Variants in ARMH1 observed in about 807,000 individuals in gnomAD.
ARMH1 encodes armadillo-like helical domain containing protein 1.
A neutral mutation model predicts 50.2 loss-of-function variants in ARMH1; 34 were observed. The ratio of observed to expected loss-of-function variants is 0.68; its 90% CI spans 0.51 to 0.90. ARMH1 has a LOEUF of 0.90. Ranked by LOEUF, ARMH1 falls within the 40% of genes least tolerant of loss-of-function variation. The pLI is 0.00. For missense variants in ARMH1, 538 were observed against 553.9 expected (o/e 0.97, Z 0.29); for synonymous variants, 221 against 224.2 (o/e 0.99, Z 0.13).
chr1:44,723,905 A>C, intron 6 of ARMH1: 2 of 537,664 alleles, frequency 3.7e-6, no homozygotes, highest in Non-Finnish European at 6.4e-6. Flanking sequence ...CCGCCTCGAC[A>C]GGTGGGCTCA....
At position 44,725,500 on chromosome 1, in the gene ARMH1, G is replaced by T; in HGVS notation, c.*97G>T. On this transcript the variant is annotated 3_prime_UTR_variant, in exon 12 of 12. Transcript: ENST00000535358. ...GTCAAGCTCAGAGCCACTCCACTTG[G>T]CTCCAGGGGGGAGACGGGGATTAGG... The T allele has an allele frequency of 7.2e-6, 9 of 1,247,320 alleles. No individual in the cohort carries two copies. Among genetic ancestry groups the T allele is most frequent in the Non-Finnish European group, 1.0e-5 (9 of 879,620 alleles). 77.3% of individuals were successfully genotyped at this position (1,247,320 alleles called of 1,614,324 possible).
In ARMH1 at chr1:44,682,862, C is replaced by CA. The variant is rs1459293690; in HGVS notation, c.-22-6814_-22-6813insA. ...GGCTGAGGTGGGAGGATCACTCGAGCCCAGGCGATTGAGGCTGCGGTAAGT... is the reference window on the plus strand; with the variant it reads ...GGCTGAGGTGGGAGGATCACTCGAGCACCAGGCGATTGAGGCTGCGGTAAGT... On this transcript the variant is annotated intron_variant, in intron 1 of 11. Transcript: ENST00000535358. The surrounding 1 kb of genome is among the most constrained non-coding windows in gnomAD (Gnocchi z 4.5). Among the ~76,000 whole-genome samples, 15 of 152,154 alleles carry CA rather than the reference C, an allele frequency of 9.9e-5. No homozygotes were observed. The highest frequency in any genetic ancestry group is 1.9e-4 in the Non-Finnish European group (13 of 68,038).
intron 2 of ARMH1, among the ~76,000 whole-genome samples, chr1:44,690,425 T>C (rs957378921): frequency 6.6e-6 from 1 of 152,082 alleles, no homozygotes; most frequent in East Asian, 1.9e-4. Flanking sequence ...ACCCCTAACC[T>C]CTTTTGCTCC....
chr1:44,685,478 C>G (rs1645439561), intron 1 of ARMH1, among the ~76,000 whole-genome samples: 1 of 151,846 alleles, frequency 6.6e-6, no homozygotes, highest in Non-Finnish European at 1.5e-5. Context: ...CTATACCTGG[C>G]TAATTTGGGG....
In ARMH1 at chr1:44,683,509, A is replaced by G. The variant is rs981591661; in HGVS notation, c.-22-6167A>G. On this transcript the variant is annotated intron_variant, in intron 1 of 11. Transcript: ENST00000535358. The surrounding 1 kb of genome is among the most constrained non-coding windows in gnomAD (Gnocchi z 4.2). ...GCAAAGGCACTATCCTGCAATGGCAACTGAGGATTCAGAGAGTCTGGAGTA... is the reference window on the plus strand; with the variant it reads ...GCAAAGGCACTATCCTGCAATGGCAGCTGAGGATTCAGAGAGTCTGGAGTA... Among the ~76,000 whole-genome samples, 17 of 152,222 alleles carry G rather than the reference A, an allele frequency of 1.1e-4. No individual in the cohort carries two copies. Among genetic ancestry groups the G allele is most frequent in the African/African-American group, 4.1e-4 (17 of 41,464 alleles).
At chr1:44,692,127 C>G (rs370327011) in intron 2 of ARMH1, among the ~76,000 whole-genome samples, 1 of 152,176 alleles carries the variant, frequency 6.6e-6, no homozygotes, top group African/African-American at 2.4e-5. Flanking sequence ...CAGTGACTTA[C>G]ACCTATAATC....
At chr1:44,704,221 T>C in intron 6 of ARMH1, 48 bp downstream of exon 6, 1 of 1,379,086 alleles carries the variant, frequency 7.3e-7, no homozygotes, top group Non-Finnish European at 1.0e-6. Context: ...GCCAGACATA[T>C]CAGCTCTCAA....
chr1:44,689,912 T>C lies in ARMH1; in HGVS notation c.206+9T>C. On this transcript the variant is annotated intron_variant, in intron 2 of 11. Coordinates refer to ENST00000535358, the MANE Select transcript of ARMH1 (RefSeq NM_001145636.2). ...ACCTCGCTTAGAATCACGTATCCTT[T>C]ACTGAACAGAAAAAAAAAAATTAGG... 1 of 1,548,844 alleles carries C rather than the reference T, an allele frequency of 6.5e-7. No homozygotes were observed. Among genetic ancestry groups the C allele is most frequent in the Non-Finnish European group, 8.7e-7 (1 of 1,146,518 alleles).
rs1014471765 is a variant in ARMH1 at position 44,707,835 on chromosome 1, C to G, written c.724+3662C>G. 7.9e-5 allele frequency among the ~76,000 whole-genome samples: 12 copies of G among 152,186 alleles called. 1 individual carries two copies. The highest frequency in any genetic ancestry group is 1.2e-4 in the Non-Finnish European group (8 of 68,032). On this transcript the variant is annotated intron_variant, in intron 6 of 11. Transcript: ENST00000535358. ...GCATTTATTCAGTAACAACTAACAG[C>G]GTGGAAGAGGCAGTGGGAACGTGAC...
rs1364320731 is a variant in ARMH1 at position 44,714,041 on chromosome 1, C to T, written c.724+9868C>T. On this transcript the variant is annotated intron_variant, in intron 6 of 11. Transcript: ENST00000535358. ...GCATGTACCCAGCACTTTGGGAGGC[C>T]GGCGGATCACGAGGTCAGGAGATCT... Among the ~76,000 whole-genome samples, 5 of 151,864 alleles carry T rather than the reference C, an allele frequency of 3.3e-5. No individual in the cohort carries two copies. In the East Asian group the frequency reaches 7.7e-4, roughly 23 times the overall value.
intron 2 of ARMH1, among the ~76,000 whole-genome samples, chr1:44,691,140 C>A (rs1645646562): frequency 6.6e-6 from 1 of 151,972 alleles, no homozygotes. Context: ...TGCCTGTAAT[C>A]CCAGCTACCC....
At chr1:44,701,144 T>C in intron 5 of ARMH1, 25 bp downstream of exon 5, 1 of 1,520,170 alleles carries the variant, frequency 6.6e-7, no homozygotes. Flanking sequence ...CATGCTCCTG[T>C]GGTTCTGATT....
intron 6 of ARMH1, chr1:44,723,707 T>G: frequency 6.1e-6 from 1 of 164,896 alleles, no homozygotes; most frequent in Non-Finnish European, 1.3e-5. Context: ...CCGCCTACCT[T>G]CCTTCCCCTT....
chr1:44,679,675 G>A (rs770778562), intron 1 of ARMH1, among the ~76,000 whole-genome samples: 3 of 152,180 alleles, frequency 2.0e-5, no homozygotes, highest in Admixed American at 1.3e-4. Flanking sequence ...AAAACACCTC[G>A]TAGACTTTGC....
intron 6 of ARMH1, among the ~76,000 whole-genome samples, chr1:44,709,024 A>T (rs1009004540): frequency 6.6e-6 from 1 of 152,172 alleles, no homozygotes; most frequent in Non-Finnish European, 1.5e-5. Context: ...TGTACCAAAA[A>T]GGTAAAATTA....
In ARMH1 at chr1:44,724,204, G is replaced by A. The variant is rs1033987630; in HGVS notation, c.807G>A (p.Ser269=). Residue 269 remains serine (S), a synonymous_variant, in exon 7 of 12, where the codon TCG becomes TCA. Coordinates refer to ENST00000535358, the MANE Select transcript of ARMH1 (RefSeq NM_001145636.2). This position sits in a 1 kb window ranked among gnomAD's most constrained non-coding sequence, Gnocchi z 6.4. ...GCCTCGTGGCGCTGCTGATACCGTC[G>A]GTCAAGGAGATCTCCAAACTGCAGG... ...LKGLVALLIP[S]VKEISKLQAK... is the part of the protein sequence containing the mutation. 2.2e-5 allele frequency: 34 copies of A among 1,551,698 alleles called. No individual in the cohort carries two copies. Among genetic ancestry groups the A allele is most frequent in the East Asian group, 2.0e-4 (8 of 40,922 alleles).
chr1:44,681,031 G>A lies in ARMH1; in HGVS notation c.-23+6158G>A, dbSNP rs1182105114. Among the ~76,000 whole-genome samples, 2 of 135,894 alleles carry A rather than the reference G, an allele frequency of 1.5e-5. No individual in the cohort carries two copies. The highest frequency in any genetic ancestry group is 3.0e-5 in the Non-Finnish European group (2 of 65,660). 89.2% of individuals were successfully genotyped at this position (135,894 alleles called of 152,430 possible). A position where few individuals can be genotyped will look rare whatever the true frequency, so the allele number is the denominator to read the frequency against. On this transcript the variant is annotated intron_variant, in intron 1 of 11. Transcript: ENST00000535358. This position sits in a 1 kb window ranked among gnomAD's most constrained non-coding sequence, Gnocchi z 4.3. ...TTTTTTTGAGACGGAGTCTCGCTCT[G>A]TCACCCAGGCTGGAGTGTAGTGGCG...
At chr1:44,701,600 T>C (rs2148665656) in intron 5 of ARMH1, among the ~76,000 whole-genome samples, 1 of 151,714 alleles carries the variant, frequency 6.6e-6, no homozygotes, top group South Asian at 2.1e-4. Context: ...TCGTACCTAG[T>C]AAAGAGGGGA....
intron 4 of ARMH1, 98 bp from the exon 5 acceptor site, chr1:44,700,825 G>A (rs1573377077): frequency 8.9e-7 from 1 of 1,121,568 alleles, no homozygotes; most frequent in East Asian, 2.6e-5. Context: ...AACAGGCTTG[G>A]TTGAAGAGCT....
Sources: allele counts gnomAD v4.1 joint callset (sites outside exome capture counted in the v4.1 genomes callset), GRCh38; gene constraint gnomAD v4.1.1; non-coding constraint Gnocchi (gnomAD v3.1); transcripts MANE v1.5; gene names NCBI Gene and HGNC (gene_info 2026-07-23, HGNC 2026-07-21).